The following STX8 variants were observed in gnomAD, a reference collection of about 807,000 sequenced individuals.
STX8 encodes the protein syntaxin-8.
In STX8, 23 loss-of-function variants were observed where a neutral mutation model predicts 37.5. That is an observed-to-expected ratio of 0.61 (90% CI 0.44 to 0.87). The LOEUF (loss-of-function observed/expected upper bound fraction) is 0.87. STX8 is among the 40% of genes least tolerant of loss of function. STX8 has a pLI of 0.00. For missense variants in STX8, 313 were observed against 284.7 expected (o/e 1.10, Z -0.71); for synonymous variants, 115 against 99.1 (o/e 1.16, Z -0.95).
At chr17:9,333,261 C>T (rs1477826390) in intron 7 of STX8, among the ~76,000 whole-genome samples, 1 of 152,196 alleles carries the variant, frequency 6.6e-6, no homozygotes, top group East Asian at 1.9e-4. Flanking sequence ...CCTCTCTCCC[C>T]CACAATAGTC....
intron 6 of STX8, among the ~76,000 whole-genome samples, chr17:9,471,384 C>T (rs1004901644): frequency 3.3e-5 from 5 of 151,926 alleles, no homozygotes; most frequent in Non-Finnish European, 7.4e-5. Flanking sequence ...AACTCCTGAC[C>T]TCATGATCCA....
chr17:9,300,428 T>C (rs1908731017), intron 7 of STX8, among the ~76,000 whole-genome samples: 1 of 151,838 alleles, frequency 6.6e-6, no homozygotes, highest in Admixed American at 6.6e-5. Context: ...CAAATCACAA[T>C]TATGGTAAAC....
intron 7 of STX8, among the ~76,000 whole-genome samples, chr17:9,280,620 C>T (rs750795236): frequency 3.3e-5 from 5 of 152,076 alleles, no homozygotes; most frequent in Admixed American, 6.6e-5. Context: ...ATGGACAGAA[C>T]GACTTTTTGA....
At chr17:9,318,945 C>T (rs548361254) in intron 7 of STX8, among the ~76,000 whole-genome samples, 142 of 152,110 alleles carry the variant, frequency 9.3e-4, no homozygotes, top group Non-Finnish European at 1.8e-3. Flanking sequence ...AGAGCCAGTG[C>T]GGATTGGAGC....
At chr17:9,512,496 C>T (rs964076612) in intron 4 of STX8, among the ~76,000 whole-genome samples, 4 of 151,686 alleles carry the variant, frequency 2.6e-5, no homozygotes, top group African/African-American at 7.3e-5. Context: ...CAGAGTCTCA[C>T]TCTATAACCC....
chr17:9,381,064 G>C (rs963363314), intron 6 of STX8, among the ~76,000 whole-genome samples: 7 of 152,016 alleles, frequency 4.6e-5, no homozygotes, highest in African/African-American at 1.7e-4. Context: ...ATGCTGTACA[G>C]GTTTTCAGCC....
At chr17:9,502,977 G>A (rs939291879) in intron 5 of STX8, among the ~76,000 whole-genome samples, 1 of 151,694 alleles carries the variant, frequency 6.6e-6, no homozygotes. Context: ...ATGATGGCGG[G>A]CGCCCGTAAT....
At chr17:9,563,029 G>A (rs1011573035) in intron 2 of STX8, among the ~76,000 whole-genome samples, 4 of 151,986 alleles carry the variant, frequency 2.6e-5, no homozygotes, top group East Asian at 1.9e-4. Flanking sequence ...TTACATCTAC[G>A]CAATAGAGTA....
rs58594029 is a variant in STX8 at position 9,375,063 on chromosome 17, C to CAA, written c.643+3487_643+3488dup. On this transcript the variant is annotated intron_variant, in intron 7 of 7. Transcript: ENST00000306357. ...AGGGTGACAGAGTGAGACTCTGTCT[C>CAA]AAAAAAAAAAAAAAAAAAAAAAAGA... Among the ~76,000 whole-genome samples, 497 of 64,900 alleles carry CAA rather than the reference C, an allele frequency of 7.7e-3. 5 individuals are homozygous for CAA. The highest frequency in any genetic ancestry group is 0.013 in the African/African-American group (250 of 19,824). The allele number at this position is 64,900 out of a possible 152,430, so 42.6% of individuals were successfully genotyped here.
intron 3 of STX8, among the ~76,000 whole-genome samples, chr17:9,546,839 C>A (rs573817018): frequency 6.6e-6 from 1 of 150,862 alleles, no homozygotes; most frequent in Non-Finnish European, 1.5e-5. Context: ...CCTCATGATC[C>A]GTTCACCTCA....
At chr17:9,518,715 A>G (rs1160763668) in intron 4 of STX8, among the ~76,000 whole-genome samples, 1 of 151,992 alleles carries the variant, frequency 6.6e-6, no homozygotes, top group Non-Finnish European at 1.5e-5. Context: ...AAAAATACAA[A>G]AAATTAGCTG....
At chr17:9,319,158 AAAG>A (rs1197542198) in intron 7 of STX8, among the ~76,000 whole-genome samples, 1 of 152,218 alleles carries the variant, frequency 6.6e-6, no homozygotes, top group Non-Finnish European at 1.5e-5. Flanking sequence ...ATTAAAAACT[AAAG>A]AAAATCCCAG....
At chr17:9,531,135 C>T (rs1039595786) in intron 4 of STX8, among the ~76,000 whole-genome samples, 4 of 152,206 alleles carry the variant, frequency 2.6e-5, no homozygotes, top group African/African-American at 9.7e-5. Flanking sequence ...TTTTGTTCCA[C>T]GGGTTTATCT....
At chr17:9,532,951 T>C (rs940079017) in intron 4 of STX8, among the ~76,000 whole-genome samples, 2 of 152,230 alleles carry the variant, frequency 1.3e-5, no homozygotes, top group Non-Finnish European at 2.9e-5. Flanking sequence ...AGGCAACATA[T>C]ATTCCAAATT....
rs200339313 is a variant in STX8, at chr17:9,384,124, TTA to T, written c.542-5473_542-5472del. 2.8e-3 allele frequency among the ~76,000 whole-genome samples: 379 copies of T among 135,346 alleles called. 4 individuals are homozygous for T. The highest frequency in any genetic ancestry group is 0.011 in the African/African-American group (354 of 31,742). 88.8% of individuals were successfully genotyped at this position (135,346 alleles called of 152,430 possible). A position where few individuals can be genotyped will look rare whatever the true frequency, so the allele number is the denominator to read the frequency against. ...CTCCACATATCCTCACCCTCATTTG[TTA>T]TTTTTTTTTTTTTCATATATTGGTT... is the stretch of plus-strand genomic sequence containing the variant. On this transcript the variant is annotated intron_variant, in intron 6 of 7. Transcript: ENST00000306357.
At chr17:9,321,028 G>A (rs548210800) in intron 7 of STX8, among the ~76,000 whole-genome samples, 175 of 151,730 alleles carry the variant, frequency 1.2e-3, no homozygotes, top group Non-Finnish European at 1.3e-3. Context: ...GCAGAGAGAC[G>A]AGAGAAGAGG....
intron 6 of STX8, among the ~76,000 whole-genome samples, chr17:9,402,291 T>C (rs1422320617): frequency 1.3e-5 from 2 of 152,090 alleles, no homozygotes; most frequent in African/African-American, 4.8e-5. Flanking sequence ...GGCAAATTTT[T>C]TGTATTTTTA....
intron 7 of STX8, among the ~76,000 whole-genome samples, chr17:9,259,940 G>A (rs534857014): frequency 5.9e-5 from 9 of 152,250 alleles, no homozygotes; most frequent in East Asian, 1.9e-4. Flanking sequence ...CATAGTGTCC[G>A]GGCATGGTGG....
chr17:9,387,366 G>A (rs914767280), intron 6 of STX8, among the ~76,000 whole-genome samples: 1 of 152,050 alleles, frequency 6.6e-6, no homozygotes, highest in Non-Finnish European at 1.5e-5. Context: ...CACGATCTCG[G>A]CTCACTGCAA....
Sources: allele counts gnomAD v4.1 joint callset (sites outside exome capture counted in the v4.1 genomes callset), GRCh38; gene constraint gnomAD v4.1.1; transcripts MANE v1.5; gene names NCBI Gene and HGNC (gene_info 2026-07-23, HGNC 2026-07-21).